NMT1: variants seen among roughly 807,000 people sequenced by gnomAD.
The protein encoded by NMT1 is glycylpeptide N-tetradecanoyltransferase 1.
In NMT1, 12 loss-of-function variants were observed where a neutral mutation model predicts 63.4. The observed-to-expected ratio is 0.19, with a 90% CI of 0.12 to 0.31. The LOEUF is 0.31. Ranked by LOEUF, NMT1 falls within the 10% of genes least tolerant of loss-of-function variation. The pLI is 1.00. For synonymous variants in NMT1, 228 were observed against 234.3 expected, an observed-to-expected ratio of 0.97 and a Z score of 0.25; for missense variants, 432 against 634.6, an observed-to-expected ratio of 0.68 and a Z score of 3.43.
At chr17:45,085,957 G>C (rs35341801) in intron 2 of NMT1, among the ~76,000 whole-genome samples, 24,038 of 151,600 alleles carry the variant, frequency 0.16, 2,585 homozygotes, top group African/African-American at 0.29. Flanking sequence ...GAGTAGCTGG[G>C]ATTACAGGGA....
intron 2 of NMT1, among the ~76,000 whole-genome samples, chr17:45,086,120 C>CTCCCCTTAACTCTTGA (rs1417560182): frequency 6.9e-6 from 1 of 144,316 alleles, no homozygotes; most frequent in Non-Finnish European, 1.5e-5. Context: ...CTGCGCCCAG[C>CTCCCCTTAACTCTTGA]ACTCTTTTTT....
intron 6 of NMT1, 21 bp downstream of exon 6, chr17:45,097,265 C>A: frequency 6.5e-7 from 1 of 1,537,492 alleles, no homozygotes; most frequent in Non-Finnish European, 9.0e-7. Context: ...GCACCTACCC[C>A]CACCCCCCAC....
chr17:45,104,024 T>C lies in NMT1; in HGVS notation c.1332+148T>C. 1 of 1,583,878 alleles carries C rather than the reference T, an allele frequency of 6.3e-7. No homozygotes were observed. The highest frequency in any genetic ancestry group is 8.5e-7 in the Non-Finnish European group (1 of 1,172,642). On this transcript the variant is annotated intron_variant, in intron 10 of 11. Coordinates refer to ENST00000258960, the MANE Select transcript of NMT1 (RefSeq NM_021079.5). This position sits in a 1 kb window ranked among gnomAD's most constrained non-coding sequence, Gnocchi z 4.2. Reference sequence around the variant, plus strand: ...CTGCTTAGGCAGGGTTCCCGCAGTTTTTAGGCAGAAACTCAAAACTTGGAG... The same window carrying C: ...CTGCTTAGGCAGGGTTCCCGCAGTTCTTAGGCAGAAACTCAAAACTTGGAG...
At chr17:45,099,267 G>T in intron 7 of NMT1, 138 bp from the exon 8 acceptor site, 1 of 657,424 alleles carries the variant, frequency 1.5e-6, no homozygotes, top group Non-Finnish European at 2.8e-6. Flanking sequence ...AGGCTGGAGA[G>T]CAGGGTGACA....
At chr17:45,061,500 C>T (rs1177111590) in intron 1 of NMT1, 40 bp downstream of exon 1, 5 of 1,592,246 alleles carry the variant, frequency 3.1e-6, no homozygotes, top group Admixed American at 3.5e-5. Context: ...TCCAGCCTCC[C>T]ACAACCTGGG....
intron 3 of NMT1, among the ~76,000 whole-genome samples, chr17:45,088,480 C>T (rs1370146462): frequency 1.3e-5 from 2 of 152,172 alleles, no homozygotes; most frequent in Non-Finnish European, 2.9e-5. Flanking sequence ...TGAGGCTGGG[C>T]GCAGTGGCTC....
chr17:45,081,578 T>G (rs1177809294), intron 1 of NMT1, 66 bp from the exon 2 acceptor site: 2 of 1,396,552 alleles, frequency 1.4e-6, no homozygotes, highest in Non-Finnish European at 2.0e-6. Context: ...CAGAAAGCTC[T>G]TTGTCAGGGG....
rs752931857 is a variant in NMT1 at position 45,105,083 on chromosome 17, G to C, written c.1470+87G>C. On this transcript the variant is annotated intron_variant, in intron 11 of 11. Transcript: ENST00000258960. This position sits in a 1 kb window ranked among gnomAD's most constrained non-coding sequence, Gnocchi z 4.2. ...AACCGGGCCATGGGTTGAGGAGACA[G>C]CCGCAGTCTGGGTCCTTGTTACCTC... 35 of 1,551,972 alleles carry C rather than the reference G, an allele frequency of 2.3e-5. No individual in the cohort carries two copies. Among genetic ancestry groups the C allele is most frequent in the Non-Finnish European group, 2.6e-5 (30 of 1,135,346 alleles).
chr17:45,097,561 G>A (rs1021927565), intron 6 of NMT1, among the ~76,000 whole-genome samples: 2 of 151,962 alleles, frequency 1.3e-5, no homozygotes, highest in Admixed American at 1.3e-4. Flanking sequence ...TTGCTATGTT[G>A]CCCACGCTAG....
In NMT1 at chr17:45,105,763, G is replaced by A. The variant is rs934409916; in HGVS notation, c.*124G>A. On this transcript the variant is annotated 3_prime_UTR_variant, in exon 12 of 12. Coordinates refer to ENST00000258960, the MANE Select transcript of NMT1 (RefSeq NM_021079.5). This position sits in a 1 kb window ranked among gnomAD's most constrained non-coding sequence, Gnocchi z 4.2. Reference sequence around the variant, plus strand: ...CTGGCAAAGGGAGCAGAACTGAACCGGCTTTACCAAACCGCCAGCGAACTT... The same window carrying A: ...CTGGCAAAGGGAGCAGAACTGAACCAGCTTTACCAAACCGCCAGCGAACTT... 26 of 975,634 alleles carry A rather than the reference G, an allele frequency of 2.7e-5. No homozygotes were observed. The highest frequency in any genetic ancestry group is 3.5e-5 in the Non-Finnish European group (23 of 651,798). The allele number at this position is 975,634 out of a possible 1,614,324, so 60.4% of individuals were successfully genotyped here.
intron 1 of NMT1, among the ~76,000 whole-genome samples, chr17:45,079,074 A>ACTTTTCTTTTTTTCTTTT: frequency 6.6e-6 from 1 of 150,496 alleles, no homozygotes; most frequent in Non-Finnish European, 1.5e-5. Flanking sequence ...CCTAATTTTG[A>ACTTTTCTTTTTTTCTTTT]CTTTTCTTTT....
chr17:45,089,344 T>C (rs2054073814), intron 3 of NMT1, among the ~76,000 whole-genome samples: 1 of 152,046 alleles, frequency 6.6e-6, no homozygotes, highest in South Asian at 2.1e-4. Flanking sequence ...GTCTCTCTGA[T>C]TTATTTATTT....
chr17:45,073,781 T>C (rs1242814872), intron 1 of NMT1, among the ~76,000 whole-genome samples: 1 of 152,236 alleles, frequency 6.6e-6, no homozygotes, highest in Non-Finnish European at 1.5e-5. Flanking sequence ...CCTCCCTAGA[T>C]GCTAGTTGGT....
chr17:45,104,505 C>T lies in NMT1; in HGVS notation c.1333-354C>T. 2 of 1,114,744 alleles carry T rather than the reference C, an allele frequency of 1.8e-6. No individual in the cohort carries two copies. The highest frequency in any genetic ancestry group is 2.2e-6 in the Non-Finnish European group (2 of 908,538). 69.1% of individuals were successfully genotyped at this position (1,114,744 alleles called of 1,614,324 possible). On this transcript the variant is annotated intron_variant, in intron 10 of 11. Coordinates refer to ENST00000258960, the MANE Select transcript of NMT1 (RefSeq NM_021079.5). This position sits in a 1 kb window ranked among gnomAD's most constrained non-coding sequence, Gnocchi z 4.2. ...GCAACACAAACCCCATGTAGCTGAC[C>T]AGAGCCAGCTTCTCAGAGGAATGGG...
rs775334053 is a variant in NMT1, at chr17:45,103,815, A to G, written c.1271A>G (p.Asn424Ser). ...CTCAAAGCTGCTTATTCTTTCTACA[A>G]CGTTCACACCCAGACCCCTCTTCTA... ...KSLKAAYSFY[N>S]VHTQTPLLDL... Residue 424 changes from asparagine (N) to serine (S), a missense_variant, in exon 10 of 12, where the codon AAC (asparagine) becomes AGC (serine). Physicochemically the swap from Asn to Ser is conservative, Grantham distance 46. Coordinates refer to ENST00000258960, the MANE Select transcript of NMT1 (RefSeq NM_021079.5). The surrounding 1 kb of genome is among the most constrained non-coding windows in gnomAD (Gnocchi z 4.8). 8 of 1,613,932 alleles carry G rather than the reference A, an allele frequency of 5.0e-6. No individual in the cohort carries two copies. Among genetic ancestry groups the G allele is most frequent in the Admixed American group, 3.3e-5 (2 of 59,996 alleles).
In NMT1 at chr17:45,105,491, TGA is replaced by T; in HGVS notation, c.1471-126_1471-125del. On this transcript the variant is annotated intron_variant, in intron 11 of 11. Transcript: ENST00000258960. This position sits in a 1 kb window ranked among gnomAD's most constrained non-coding sequence, Gnocchi z 4.2. ...GGTTGAGTGTGGGGCCGGCTGGGTG[TGA>T]GTCTGCTCCCACAGCACAGGCGGTG... The T allele has an allele frequency of 8.2e-6, 8 of 979,362 alleles. No individual in the cohort carries two copies. The highest frequency in any genetic ancestry group is 1.3e-5 in the Non-Finnish European group (8 of 621,628). The allele number at this position is 979,362 out of a possible 1,614,324, so 60.7% of individuals were successfully genotyped here.
At position 45,099,416 on chromosome 17, in the gene NMT1, G is replaced by C; in HGVS notation, c.896G>C (p.Arg299Pro). ...KPVGTCRYWH[R>P]SLNPRKLIEV... Reference sequence around the variant, plus strand: ...TTGTGTCCCCACAGGTATTGGCATCGGTCCCTAAACCCACGGAAGCTGATT... The same window carrying C: ...TTGTGTCCCCACAGGTATTGGCATCCGTCCCTAAACCCACGGAAGCTGATT... Residue 299 changes from arginine (R) to proline (P), a missense_variant, in exon 8 of 12, where the codon CGG (arginine) becomes CCG (proline). This residue lies in a region of NMT1 where 295 missense variants were observed against 489.7 expected (regional missense o/e 0.60). Transcript: ENST00000258960. The C allele has an allele frequency of 1.2e-6, 2 of 1,611,958 alleles. No homozygotes were observed. The highest frequency in any genetic ancestry group is 8.5e-7 in the Non-Finnish European group (1 of 1,177,990).
chr17:45,099,460 C>G lies in NMT1; in HGVS notation c.940C>G (p.Leu314Val). 1.2e-6 allele frequency: 2 copies of G among 1,614,154 alleles called. No individual in the cohort carries two copies. Among genetic ancestry groups the G allele is most frequent in the Non-Finnish European group, 1.7e-6 (2 of 1,179,996 alleles). The part of the protein sequence containing the change: ...RKLIEVKFSH[L>V]SRNMTMQRTM... ...GCTGATTGAAGTGAAGTTCTCCCAC[C>G]TGAGCAGAAATATGACCATGCAGCG... The change falls in exon 8 of 12, where the codon CTG becomes GTG. Residue 314 changes from leucine (L) to valine (V), a missense_variant. Around this residue, in one of 4 missense-constraint regions of NMT1, gnomAD observed 295 missense variants for 489.7 expected, o/e 0.60. Transcript: ENST00000258960.
rs1267486371 is a variant in NMT1 at position 45,107,425 on chromosome 17, G to C, written c.*1786G>C. 1 of 152,634 alleles carries C rather than the reference G, an allele frequency of 6.6e-6. No homozygotes were observed. Among genetic ancestry groups the C allele is most frequent in the Non-Finnish European group, 1.5e-5 (1 of 68,038 alleles). The allele number at this position is 152,634 out of a possible 1,614,324, so 9.5% of individuals were successfully genotyped here. On this transcript the variant is annotated 3_prime_UTR_variant, in exon 12 of 12. Transcript: ENST00000258960. Reference sequence around the variant, plus strand: ...GCAAATTGCAGGCCCCAGCAATCGTGACTGACGTTTGCTCCTTGACTCCAA... The same window carrying C: ...GCAAATTGCAGGCCCCAGCAATCGTCACTGACGTTTGCTCCTTGACTCCAA...
Sources: gnomAD v4.1 joint callset for allele counts (sites outside exome capture counted in the v4.1 genomes callset) on GRCh38, gnomAD v4.1.1 for gene constraint, gnomAD v4.1.1 regional missense constraint, Gnocchi (gnomAD v3.1) non-coding constraint, MANE v1.5 for transcripts, NCBI Gene and HGNC (gene_info 2026-07-23, HGNC 2026-07-21) for gene names.